Variants in GRIN2B observed in about 807,000 individuals in gnomAD.
GRIN2B encodes glutamate ionotropic receptor NMDA type subunit 2B.
Under a neutral mutation model 114.5 loss-of-function variants are expected in GRIN2B, and 5 were observed. That is an observed-to-expected ratio of 0.04 (90% CI 0.02 to 0.09). The LOEUF (loss-of-function observed/expected upper bound fraction) is 0.09. Among genes scored for constraint, GRIN2B ranks in the 10% least tolerant of loss-of-function variants. The pLI, the probability that GRIN2B is intolerant of heterozygous loss-of-function variation, is 1.00. For synonymous variants in GRIN2B, 787 were observed against 745.1 expected (o/e 1.06, Z -0.92); for missense variants, 1,108 against 1,943.5 (o/e 0.57, Z 8.08).
chr12:13,711,547 C>A (rs989844605), intron 4 of GRIN2B, among the ~76,000 whole-genome samples: 7 of 152,026 alleles, frequency 4.6e-5, no homozygotes, highest in African/African-American at 1.4e-4. Context: ...AAACAAACAA[C>A]CCCATCAAAA....
At chr12:13,698,749 C>T (rs1950284192) in intron 4 of GRIN2B, among the ~76,000 whole-genome samples, 2 of 152,152 alleles carry the variant, frequency 1.3e-5, no homozygotes, top group East Asian at 3.9e-4. Flanking sequence ...GTGGCACGAT[C>T]CTGGCTCACT....
chr12:13,788,337 C>A (rs1217516355), intron 3 of GRIN2B, among the ~76,000 whole-genome samples: 2 of 152,130 alleles, frequency 1.3e-5, no homozygotes, highest in Admixed American at 6.5e-5. Flanking sequence ...AAGTTTCCAG[C>A]AAATATAACC....
At chr12:13,725,106 T>C (rs1862957701) in intron 4 of GRIN2B, among the ~76,000 whole-genome samples, 1 of 152,104 alleles carries the variant, frequency 6.6e-6, no homozygotes, top group Non-Finnish European at 1.5e-5. Flanking sequence ...AAGCCCCTCC[T>C]GAAACCACTC....
chr12:13,935,098 C>A (rs994648102), intron 2 of GRIN2B, among the ~76,000 whole-genome samples: 2 of 152,070 alleles, frequency 1.3e-5, no homozygotes, highest in African/African-American at 4.8e-5. Context: ...ATAGAAGGAA[C>A]AATTGGTCCA....
chr12:13,605,551 T>TCTCTCACA, intron 10 of GRIN2B, among the ~76,000 whole-genome samples: 5 of 30,438 alleles, frequency 1.6e-4, no homozygotes, highest in Non-Finnish European at 2.2e-4. Context: ...TCTCTCTCTC[T>TCTCTCACA]GACACACACA....
chr12:13,584,399 T>TA (rs796657076), intron 10 of GRIN2B, among the ~76,000 whole-genome samples: 16 of 152,362 alleles, frequency 1.1e-4, no homozygotes, highest in African/African-American at 3.6e-4. Flanking sequence ...ATCCAACACT[T>TA]AGTAAGCTCT....
intron 2 of GRIN2B, among the ~76,000 whole-genome samples, chr12:13,881,358 T>C (rs1348445182): frequency 6.6e-6 from 1 of 152,148 alleles, no homozygotes; most frequent in East Asian, 1.9e-4. Flanking sequence ...CTTCCTCTAC[T>C]CTCTTCCCTT....
At chr12:13,655,175 C>G (rs578030435) in intron 5 of GRIN2B, among the ~76,000 whole-genome samples, 1 of 152,066 alleles carries the variant, frequency 6.6e-6, no homozygotes, top group African/African-American at 2.4e-5. Flanking sequence ...ACCAAAAAAC[C>G]CACCGAGCAC....
chr12:13,975,274 T>C lies in GRIN2B; in HGVS notation c.-19+4654A>G, dbSNP rs1862999763. On this transcript the variant is annotated intron_variant, in intron 2 of 13. Coordinates refer to ENST00000609686, the MANE Select transcript of GRIN2B (RefSeq NM_000834.5). ...GATAGCTCATTAGAAATGCAAAATGTGGAGCCCCAGCCCAGGTTTACTGAA... is the reference window on the plus strand; with the variant it reads ...GATAGCTCATTAGAAATGCAAAATGCGGAGCCCCAGCCCAGGTTTACTGAA... 2.0e-5 allele frequency among the ~76,000 whole-genome samples: 3 copies of C among 152,214 alleles called. No individual in the cohort carries two copies. In the South Asian group the frequency reaches 6.2e-4, roughly 32 times the overall value.
At chr12:13,676,112 T>G (rs113724874) in intron 4 of GRIN2B, among the ~76,000 whole-genome samples, 109 of 152,254 alleles carry the variant, frequency 7.2e-4, no homozygotes, top group Middle Eastern at 6.8e-3. Flanking sequence ...CACCGCATGT[T>G]CTCACTTACA....
intron 3 of GRIN2B, among the ~76,000 whole-genome samples, chr12:13,799,817 C>A (rs1325193604): frequency 6.6e-6 from 1 of 151,956 alleles, no homozygotes; most frequent in African/African-American, 2.4e-5. Context: ...GTTAAGGATG[C>A]CACCCAGGGT....
chr12:13,758,895 C>T (rs968587696), intron 3 of GRIN2B, among the ~76,000 whole-genome samples: 1 of 151,488 alleles, frequency 6.6e-6, no homozygotes, highest in Non-Finnish European at 1.5e-5. Flanking sequence ...CCCTAGCTGA[C>T]ACATGAAACA....
At chr12:13,617,076 T>C (rs978102564) in intron 5 of GRIN2B, among the ~76,000 whole-genome samples, 3 of 152,162 alleles carry the variant, frequency 2.0e-5, no homozygotes, top group African/African-American at 7.2e-5. Flanking sequence ...TCTATTTAAC[T>C]GTAACAAGGA....
At chr12:13,899,779 G>T (rs1025027894) in intron 2 of GRIN2B, among the ~76,000 whole-genome samples, 1 of 123,462 alleles carries the variant, frequency 8.1e-6, no homozygotes, top group African/African-American at 2.6e-5. Context: ...ACGTAGCTAT[G>T]GCCATGCTTT....
At chr12:13,942,452 C>T (rs1867276971) in intron 2 of GRIN2B, among the ~76,000 whole-genome samples, 1 of 152,114 alleles carries the variant, frequency 6.6e-6, no homozygotes, top group Admixed American at 6.5e-5. Context: ...GTAATTCATT[C>T]CAAATGTTAA....
At position 13,821,171 on chromosome 12, in the gene GRIN2B, C is replaced by T. The variant is rs537841561; in HGVS notation, c.411+44627G>A. ...TTCTCTCTTCCCGCTCTGTCCCCTA[C>T]CCTAAACCACCTCCCAACCTGAAAA... On this transcript the variant is annotated intron_variant, in intron 3 of 13. Coordinates refer to ENST00000609686, the MANE Select transcript of GRIN2B (RefSeq NM_000834.5). Among the ~76,000 whole-genome samples, 106 of 152,218 alleles carry T rather than the reference C, an allele frequency of 7.0e-4. 1 individual carries two copies. The highest frequency in any genetic ancestry group is 3.4e-3 in the Middle Eastern group (1 of 294).
intron 2 of GRIN2B, among the ~76,000 whole-genome samples, chr12:13,928,972 TTTA>T (rs1459839359): frequency 1.1e-3 from 165 of 152,360 alleles, no homozygotes; most frequent in Admixed American, 1.7e-3. Context: ...CATTAACTAA[TTTA>T]GTCCCCACAA....
At chr12:13,848,503 A>C (rs902906037) in intron 3 of GRIN2B, among the ~76,000 whole-genome samples, 1 of 152,160 alleles carries the variant, frequency 6.6e-6, no homozygotes. Flanking sequence ...CTGTCAAATG[A>C]CAGAAAAGAA....
chr12:13,716,877 A>T (rs1950460062), intron 4 of GRIN2B, among the ~76,000 whole-genome samples: 1 of 151,910 alleles, frequency 6.6e-6, no homozygotes, highest in Non-Finnish European at 1.5e-5. Flanking sequence ...GCCTAAGGTG[A>T]CTACCCTGAT....
Sources: gnomAD v4.1 joint callset for allele counts (sites outside exome capture counted in the v4.1 genomes callset) on GRCh38, gnomAD v4.1.1 for gene constraint, MANE v1.5 for transcripts, NCBI Gene and HGNC (gene_info 2026-07-23, HGNC 2026-07-21) for gene names.